Variants in MAST4 observed in about 807,000 individuals in gnomAD.
The protein encoded by MAST4 is microtubule-associated serine/threonine-protein kinase 4.
Under a neutral mutation model 162.7 loss-of-function variants are expected in MAST4, and 89 were observed. That is an observed-to-expected ratio of 0.55 (90% confidence interval 0.46 to 0.65). The LOEUF (loss-of-function observed/expected upper bound fraction) is 0.65, where lower values mean the gene tolerates loss of function less well. MAST4 is among the 30% of genes least tolerant of loss of function. The pLI is 0.00. For missense variants in MAST4, 3,153 were observed against 3,374.0 expected (o/e 0.93, Z 1.62); for synonymous variants, 1,479 against 1,361.1 (o/e 1.09, Z -1.91).
chr5:66,900,405 T>C (rs1762934571), intron 4 of MAST4, among the ~76,000 whole-genome samples: 1 of 152,112 alleles, frequency 6.6e-6, no homozygotes, highest in African/African-American at 2.4e-5. Flanking sequence ...TCAGTTAAAC[T>C]TTCCATTATT....
In MAST4 at chr5:66,861,998, A is replaced by G. The variant is rs568449432; in HGVS notation, c.643-37953A>G. ...ATGAGAGAGAGTTCAGATAAATGCT[A>G]TCCTACCCCAATCCGCAAAGCCAGG... On this transcript the variant is annotated intron_variant, in intron 3 of 28. Transcript: ENST00000403625. Among the ~76,000 whole-genome samples, 25 of 152,286 alleles carry G rather than the reference A, an allele frequency of 1.6e-4. No individual in the cohort carries two copies. In the South Asian group the frequency reaches 4.8e-3, roughly 29 times the overall value.
chr5:66,906,491 G>C (rs1196922965), intron 4 of MAST4, among the ~76,000 whole-genome samples: 2 of 152,138 alleles, frequency 1.3e-5, no homozygotes, highest in Non-Finnish European at 2.9e-5. Context: ...GATAGTTTCA[G>C]GTCTGCTAGG....
intron 1 of MAST4, among the ~76,000 whole-genome samples, chr5:66,711,615 A>AT (rs1451256375): frequency 4.6e-5 from 7 of 152,154 alleles, no homozygotes; most frequent in Non-Finnish European, 1.0e-4. Flanking sequence ...CAGGTGGATC[A>AT]CTTGAGGTCA....
chr5:66,906,317 A>G (rs1056943735), intron 4 of MAST4, among the ~76,000 whole-genome samples: 4 of 152,176 alleles, frequency 2.6e-5, no homozygotes, highest in African/African-American at 9.6e-5. Context: ...CCATTGGCTG[A>G]AAAAGGGGGA....
chr5:67,042,907 G>A (rs1281292863), intron 4 of MAST4, among the ~76,000 whole-genome samples: 1 of 152,238 alleles, frequency 6.6e-6, no homozygotes, highest in Non-Finnish European at 1.5e-5. Context: ...TGTTCCGATT[G>A]TGGAGGCACA....
At chr5:67,122,804 G>A (rs1352998588) in intron 14 of MAST4, among the ~76,000 whole-genome samples, 2 of 152,170 alleles carry the variant, frequency 1.3e-5, no homozygotes, top group African/African-American at 4.8e-5. Flanking sequence ...TATAGTAGAT[G>A]AGGTATATCA....
At chr5:67,110,766 G>A (rs570982734) in intron 11 of MAST4, among the ~76,000 whole-genome samples, 3 of 152,338 alleles carry the variant, frequency 2.0e-5, no homozygotes, top group Admixed American at 1.3e-4. Context: ...GCTCACGCCT[G>A]TAACCCCAGC....
At chr5:66,617,076 G>C (rs957486559) in intron 1 of MAST4, among the ~76,000 whole-genome samples, 5 of 152,152 alleles carry the variant, frequency 3.3e-5, no homozygotes, top group Non-Finnish European at 7.4e-5. Context: ...TAATTGACTG[G>C]ATTTTTTTCT....
intron 5 of MAST4, among the ~76,000 whole-genome samples, chr5:67,074,327 G>A (rs1409810014): frequency 6.6e-6 from 1 of 151,970 alleles, no homozygotes; most frequent in Admixed American, 6.6e-5. Context: ...TATTGAAATG[G>A]ATATTTTCAC....
intron 5 of MAST4, among the ~76,000 whole-genome samples, chr5:67,083,122 A>G (rs1762856732): frequency 6.6e-6 from 1 of 152,226 alleles, no homozygotes. Flanking sequence ...TGGGAACTGA[A>G]AAGTCAGAAT....
intron 1 of MAST4, among the ~76,000 whole-genome samples, chr5:66,685,552 A>G (rs960455408): frequency 3.9e-5 from 6 of 152,174 alleles, no homozygotes; most frequent in Admixed American, 6.5e-5. Flanking sequence ...GGAAAGAAAA[A>G]AAAAATCATT....
chr5:66,972,036 C>G (rs570661153), intron 4 of MAST4, among the ~76,000 whole-genome samples: 78 of 152,150 alleles, frequency 5.1e-4, no homozygotes, highest in Non-Finnish European at 8.1e-4. Flanking sequence ...CCAGCAGTAA[C>G]ATAGATAATA....
intron 3 of MAST4, among the ~76,000 whole-genome samples, chr5:66,843,723 T>G (rs1431644168): frequency 2.0e-5 from 3 of 152,180 alleles, no homozygotes; most frequent in Admixed American, 6.6e-5. Flanking sequence ...CTTTACCAGT[T>G]CTCTTTGCTG....
intron 3 of MAST4, chr5:66,829,021 T>A: frequency 1.3e-6 from 1 of 755,734 alleles, no homozygotes; most frequent in South Asian, 1.6e-5. Flanking sequence ...CTATACGGAG[T>A]TTCTGGTTAC....
intron 1 of MAST4, among the ~76,000 whole-genome samples, chr5:66,652,578 TCTAC>T (rs1746298101): frequency 6.6e-6 from 1 of 152,218 alleles, no homozygotes; most frequent in Non-Finnish European, 1.5e-5. Flanking sequence ...AATTTATCTA[TCTAC>T]CTAAATATCC....
chr5:67,007,900 T>C (rs2150342233), intron 4 of MAST4, among the ~76,000 whole-genome samples: 1 of 152,302 alleles, frequency 6.6e-6, no homozygotes, highest in East Asian at 1.9e-4. Context: ...AGACATACTC[T>C]CAGGCCTAGA....
Position 66,842,452 on chromosome 5 carries a change from C to T in MAST4, c.642+53658C>T, listed in dbSNP as rs1419346601. 2.6e-5 allele frequency among the ~76,000 whole-genome samples: 4 copies of T among 152,134 alleles called. No homozygotes were observed. In the East Asian group the frequency reaches 7.7e-4, roughly 29 times the overall value. ...TGTGTGTGGCTCCTTCCCCTACCCC[C>T]TCCCGCCCCGCCAAATGTTGTTGTA... On this transcript the variant is annotated intron_variant, in intron 3 of 28. Transcript: ENST00000403625.
rs761762651 is a variant in MAST4 at position 67,149,502 on chromosome 5, C to T, written c.3208C>T (p.Arg1070Ter). 7 of 1,613,606 alleles carry T rather than the reference C, an allele frequency of 4.3e-6. No individual in the cohort carries two copies. Among genetic ancestry groups the T allele is most frequent in the East Asian group, 2.2e-5 (1 of 44,880 alleles). Residue 1070 changes from arginine to a stop codon, truncating the protein, a stop_gained, in exon 24 of 29, where the codon CGA becomes TGA. Coordinates refer to ENST00000403625, the MANE Select transcript of MAST4 (RefSeq NM_001164664.2). LOFTEE classifies it high-confidence loss of function. ...SEPASHMARQ[R>*]LESTEKKKIS... is the part of the protein sequence containing the mutation. ...ACCCGCTTCTCACATGGCTCGGCAG[C>T]GATTAGAAAGCACAGAAAAAAAGAA... is the stretch of plus-strand genomic sequence containing the variant.
At chr5:66,845,126 T>TATATATACACACACAC (rs1358855625) in intron 3 of MAST4, among the ~76,000 whole-genome samples, 11 of 67,180 alleles carry the variant, frequency 1.6e-4, no homozygotes, top group South Asian at 6.7e-4. Flanking sequence ...TATATATATA[T>TATATATACACACACAC]ACACACACAC....
Sources: allele counts gnomAD v4.1 joint callset (sites outside exome capture counted in the v4.1 genomes callset), GRCh38; gene constraint gnomAD v4.1.1; transcripts MANE v1.5; gene names NCBI Gene and HGNC (gene_info 2026-07-23, HGNC 2026-07-21).